Variants in LARP1B observed in about 807,000 individuals in gnomAD.
LARP1B encodes la-related protein 1B.
In LARP1B, 76 loss-of-function variants were observed where a neutral mutation model predicts 114.2. That is an observed-to-expected ratio of 0.67 (90% CI 0.55 to 0.81). The LOEUF (loss-of-function observed/expected upper bound fraction) is 0.81. Ranked by LOEUF, LARP1B falls within the 30% of genes least tolerant of loss-of-function variation. The probability of loss-of-function intolerance (pLI) is 0.00; values close to 1 mark genes in which losing one functional copy is unlikely to be tolerated. For synonymous variants in LARP1B, 345 were observed against 348.0 expected (o/e 0.99, Z 0.10); for missense variants, 1,014 against 1,075.8 (o/e 0.94, Z 0.80).
At chr4:128,220,553 A>G (rs970846328) in intron 7 of LARP1B, 2 of 157,044 alleles carry the variant, frequency 1.3e-5, no homozygotes, top group Non-Finnish European at 2.8e-5. Context: ...ACAACTCGTT[A>G]CGTGGTTAGG....
Position 128,211,400 on chromosome 4 carries a change from A to G in LARP1B, c.*1347A>G, listed in dbSNP as rs1302403346. On this transcript the variant is annotated 3_prime_UTR_variant, in exon 20 of 20. Transcript: ENST00000326639. The stretch of plus-strand genomic sequence containing the variant: ...AAATTATAATATTGAAATACATATA[A>G]TCTTTGGATGGATGGGCTGTTAATT... 1.4e-5 allele frequency: 13 copies of G among 921,474 alleles called. No individual in the cohort carries two copies. Among genetic ancestry groups the G allele is most frequent in the Non-Finnish European group, 1.7e-5 (13 of 771,918 alleles). 57.1% of individuals were successfully genotyped at this position (921,474 alleles called of 1,614,324 possible). A position where few individuals can be genotyped will look rare whatever the true frequency, so the allele number is the denominator to read the frequency against.
At chr4:128,101,609 T>G (rs1780357376) in intron 8 of LARP1B, among the ~76,000 whole-genome samples, 1 of 151,784 alleles carries the variant, frequency 6.6e-6, no homozygotes, top group Non-Finnish European at 1.5e-5. Flanking sequence ...ATATTATGAT[T>G]CATAGTAGAA....
At chr4:128,115,196 A>G (rs1472617069) in intron 10 of LARP1B, among the ~76,000 whole-genome samples, 2 of 152,136 alleles carry the variant, frequency 1.3e-5, no homozygotes, top group African/African-American at 4.8e-5. Flanking sequence ...TCGTCCTCCC[A>G]AAGTGCTGGG....
intron 15 of LARP1B, among the ~76,000 whole-genome samples, chr4:128,197,955 G>GCTCA (rs1268037304): frequency 7.8e-6 from 1 of 128,422 alleles, no homozygotes; most frequent in Non-Finnish European, 1.5e-5. Flanking sequence ...CATGATCTCT[G>GCTCA]CTCACTGCAA....
At chr4:128,191,441 C>T (rs933528914) in intron 15 of LARP1B, among the ~76,000 whole-genome samples, 2 of 152,140 alleles carry the variant, frequency 1.3e-5, no homozygotes, top group African/African-American at 4.8e-5. Context: ...TGTGAGTTCC[C>T]TTAATACTAT....
In LARP1B at chr4:128,210,723, T is replaced by C; in HGVS notation, c.*670T>C. On this transcript the variant is annotated 3_prime_UTR_variant, in exon 20 of 20. Coordinates refer to ENST00000326639, the MANE Select transcript of LARP1B (RefSeq NM_018078.4). Reference sequence around the variant, plus strand: ...TTTTGCTTTTCTCCCCCCAGTCATATCTCATGATTTCCACAGTTGTTGTAT... The same window carrying C: ...TTTTGCTTTTCTCCCCCCAGTCATACCTCATGATTTCCACAGTTGTTGTAT... 1 of 985,380 alleles carries C rather than the reference T, an allele frequency of 1.0e-6. No homozygotes were observed. Among genetic ancestry groups the C allele is most frequent in the Non-Finnish European group, 1.2e-6 (1 of 829,874 alleles). 61.0% of individuals were successfully genotyped at this position (985,380 alleles called of 1,614,324 possible).
rs1035848555 is a variant in LARP1B, at chr4:128,147,592, A to T, written c.1525-14602A>T. Among the ~76,000 whole-genome samples, 6 of 152,182 alleles carry T rather than the reference A, an allele frequency of 3.9e-5. No homozygotes were observed. The East Asian group carries it at 9.6e-4, about 24-fold the overall frequency. On this transcript the variant is annotated intron_variant, in intron 11 of 19. Transcript: ENST00000326639. ...TTGCCTCTTAAATAATGAAATCTGG[A>T]TGTGGTTATTGCTAGAACAGTGGCT...
chr4:128,217,896 C>A (rs1049859229), intron 6 of LARP1B, among the ~76,000 whole-genome samples: 2 of 146,330 alleles, frequency 1.4e-5, no homozygotes, highest in African/African-American at 2.6e-5. Context: ...TAGAAAACCC[C>A]ATCGTCTCAG....
At chr4:128,202,031 T>G (rs1262462509) in intron 17 of LARP1B, among the ~76,000 whole-genome samples, 2 of 152,200 alleles carry the variant, frequency 1.3e-5, no homozygotes, top group Admixed American at 1.3e-4. Flanking sequence ...TGTGTTGACT[T>G]ATGTAAAAAC....
chr4:128,112,640 G>C (rs1339679155), intron 9 of LARP1B, among the ~76,000 whole-genome samples: 5 of 150,946 alleles, frequency 3.3e-5, no homozygotes, highest in African/African-American at 1.2e-4. Context: ...CGCCCGGCTA[G>C]TTTTTGTATT....
intron 11 of LARP1B, among the ~76,000 whole-genome samples, chr4:128,132,058 T>A (rs1367310567): frequency 6.6e-6 from 1 of 152,218 alleles, no homozygotes; most frequent in African/African-American, 2.4e-5. Flanking sequence ...CTTTTATGTA[T>A]GTAATCCAAA....
At chr4:128,098,794 TTA>T (rs1208930161) in intron 8 of LARP1B, among the ~76,000 whole-genome samples, 5 of 111,074 alleles carry the variant, frequency 4.5e-5, no homozygotes, top group Non-Finnish European at 9.2e-5. Context: ...TTTTTTTTTT[TTA>T]AGACAGTGTC....
At chr4:128,170,537 T>C (rs1314561560) in intron 12 of LARP1B, among the ~76,000 whole-genome samples, 1 of 152,214 alleles carries the variant, frequency 6.6e-6, no homozygotes, top group African/African-American at 2.4e-5. Context: ...CTTATACCCA[T>C]TGGTATATTG....
chr4:128,155,837 A>C, intron 11 of LARP1B: 1 of 1,572,286 alleles, frequency 6.4e-7, no homozygotes, highest in Non-Finnish European at 8.7e-7. Flanking sequence ...CTGCAGCGAG[A>C]GATCGAGGAG....
chr4:128,169,573 T>G (rs111464973), intron 12 of LARP1B, among the ~76,000 whole-genome samples: 1,783 of 152,276 alleles, frequency 0.012, 46 homozygotes, highest in African/African-American at 0.041. Context: ...GAGTTTCTTT[T>G]CTGATATAAG....
chr4:128,078,921 A>G (rs1224341819), intron 4 of LARP1B, among the ~76,000 whole-genome samples: 2 of 152,100 alleles, frequency 1.3e-5, no homozygotes, highest in Non-Finnish European at 2.9e-5. Flanking sequence ...CGTCCATGGT[A>G]TACAGGGCCT....
At chr4:128,089,851 A>G (rs1367605634) in intron 5 of LARP1B, among the ~76,000 whole-genome samples, 8 of 151,174 alleles carry the variant, frequency 5.3e-5, no homozygotes, top group African/African-American at 1.7e-4. Context: ...GCTCACTGCA[A>G]CCTCCGCCTC....
intron 12 of LARP1B, among the ~76,000 whole-genome samples, chr4:128,166,968 CTCTATA>C (rs1464810173): frequency 0.029 from 2,331 of 80,894 alleles, 26 homozygotes; most frequent in Non-Finnish European, 0.038. Flanking sequence ...CTCTCTCTCT[CTCTATA>C]TATATATATA....
At chr4:128,130,485 A>G (rs895591446) in intron 11 of LARP1B, among the ~76,000 whole-genome samples, 2 of 152,194 alleles carry the variant, frequency 1.3e-5, no homozygotes, top group African/African-American at 4.8e-5. Context: ...AAAAACAACA[A>G]TGAGATACTA....
Sources: gnomAD v4.1 joint callset for allele counts (sites outside exome capture counted in the v4.1 genomes callset) on GRCh38, gnomAD v4.1.1 for gene constraint, MANE v1.5 for transcripts, NCBI Gene and HGNC (gene_info 2026-07-23, HGNC 2026-07-21) for gene names.